The following COL18A1 variants were observed in gnomAD, a reference collection of about 807,000 sequenced individuals.
COL18A1 encodes collagen alpha-1(XVIII) chain.
A neutral mutation model predicts 168.0 loss-of-function variants in COL18A1; 133 were observed. That is an observed-to-expected ratio of 0.79 (90% CI 0.69 to 0.91). The LOEUF is 0.91. COL18A1 is among the 40% of genes least tolerant of loss of function. COL18A1 has a pLI of 0.00. For synonymous variants in COL18A1, 949 were observed against 809.0 expected (o/e 1.17, Z -2.94); for missense variants, 2,126 against 1,925.4 (o/e 1.10, Z -1.95).
chr21:45,503,020 G>A (rs8126955), intron 32 of COL18A1: 72,463 of 151,826 alleles, frequency 0.48, 17,496 homozygotes, highest in Middle Eastern at 0.58. Context: ...GAATAATGTC[G>A]CAATAAACAT....
In COL18A1 at chr21:45,468,378, G is replaced by C. The variant is rs1290476010; in HGVS notation, c.243G>C (p.Arg81=). Reference sequence around the variant, plus strand: ...ATGCCAACAGTGGCCAAGTGGCCCGGTACCACTTCCCCAGCCTCTTCTTCC... The same window carrying C: ...ATGCCAACAGTGGCCAAGTGGCCCGCTACCACTTCCCCAGCCTCTTCTTCC... ...GPDANSGQVA[R]YHFPSLFFRD... The change falls in exon 3 of 42, where the codon CGG becomes CGC. Residue 81 remains arginine (R), a synonymous_variant. Coordinates refer to ENST00000651438, the MANE Select transcript of COL18A1 (RefSeq NM_001379500.1). 1 of 1,613,866 alleles carries C rather than the reference G, an allele frequency of 6.2e-7. No homozygotes were observed.
chr21:45,410,036 C>T (rs534735087), intron 2 of COL18A1: 2 of 152,348 alleles, frequency 1.3e-5, no homozygotes, highest in South Asian at 4.1e-4. Context: ...TGCGCTGAGT[C>T]AGATGAAATG....
intron 2 of COL18A1, among the ~76,000 whole-genome samples, chr21:45,467,884 T>C (rs1429132139): frequency 6.6e-6 from 1 of 152,102 alleles, no homozygotes. Flanking sequence ...CCATCAATGC[T>C]CAAAGCATGG....
At chr21:45,442,559 G>T (rs1402804527) in intron 2 of COL18A1, among the ~76,000 whole-genome samples, 1 of 152,256 alleles carries the variant, frequency 6.6e-6, no homozygotes, top group African/African-American at 2.4e-5. Context: ...GGATGAGCAC[G>T]CCCAGGCCCA....
At position 45,437,902 on chromosome 21, in the gene COL18A1, ACT is replaced by A. The variant is rs1161822460; in HGVS notation, c.107-30338_107-30337del. ...GGCACTCTCCTGCACACACACACTCACTCAGACACAGGCACTCTCCTGCACAC... is the reference window on the plus strand; with the variant it reads ...GGCACTCTCCTGCACACACACACTCACAGACACAGGCACTCTCCTGCACAC... On this transcript the variant is annotated intron_variant, in intron 2 of 41. Coordinates refer to ENST00000651438, the MANE Select transcript of COL18A1 (RefSeq NM_001379500.1). Among the ~76,000 whole-genome samples the A allele has an allele frequency of 3.0e-5, 2 of 66,376 alleles. 1 individual carries two copies. Among genetic ancestry groups the A allele is most frequent in the African/African-American group, 2.3e-4 (2 of 8,676 alleles). 43.5% of individuals were successfully genotyped at this position (66,376 alleles called of 152,430 possible).
At position 45,486,927 on chromosome 21, in the gene COL18A1, C is replaced by G. The variant is rs754558226; in HGVS notation, c.1768C>G (p.Pro590Ala). The change falls in exon 16 of 42, where the codon CCT becomes GCT. Residue 590 changes from proline to alanine, a missense_variant. Physicochemically the swap from Pro to Ala is conservative, Grantham distance 27. Transcript: ENST00000651438. ...GESGLAGAPGPAGPPGPPGPP... is the reference protein window; with the variant it reads ...GESGLAGAPGAAGPPGPPGPP... ...GAGCGGCCTGGCAGGAGCCCCCGGA[C>G]CTGCTGGACCACCAGGCCCCCCTGG... 11 of 1,507,474 alleles carry G rather than the reference C, an allele frequency of 7.3e-6. No individual in the cohort carries two copies. In the South Asian group the frequency reaches 1.1e-4, roughly 16 times the overall value. The allele number at this position is 1,507,474 out of a possible 1,614,324, so 93.4% of individuals were successfully genotyped here.
chr21:45,481,199 C>A (rs774594061), intron 13 of COL18A1, among the ~76,000 whole-genome samples: 3 of 152,308 alleles, frequency 2.0e-5, no homozygotes, highest in Non-Finnish European at 4.4e-5. Flanking sequence ...GTCAGCATTG[C>A]TGGAGGGCCA....
intron 4 of COL18A1, 83 bp downstream of exon 4, chr21:45,474,064 A>G: frequency 8.8e-7 from 1 of 1,142,810 alleles, no homozygotes; most frequent in Non-Finnish European, 1.3e-6. Flanking sequence ...TGACAGGAAA[A>G]GTCCCAAAAT....
At chr21:45,472,874 C>A (rs1429073888) in intron 3 of COL18A1, among the ~76,000 whole-genome samples, 1 of 152,230 alleles carries the variant, frequency 6.6e-6, no homozygotes, top group Non-Finnish European at 1.5e-5. Flanking sequence ...CATGCAGATG[C>A]ATGCTCTCAC....
chr21:45,417,429 T>C (rs1360755830), intron 2 of COL18A1, among the ~76,000 whole-genome samples: 2 of 152,196 alleles, frequency 1.3e-5, no homozygotes, highest in Admixed American at 6.5e-5. Context: ...CCCCGGGGCT[T>C]GGGGCCCTTT....
chr21:45,506,368 C>T lies in COL18A1; in HGVS notation c.3216+402C>T, dbSNP rs139595039. 1.9e-3 allele frequency: 680 copies of T among 350,958 alleles called. 2 individuals carry two copies. The highest frequency in any genetic ancestry group is 0.012 in the African/African-American group (575 of 46,940). The allele number at this position is 350,958 out of a possible 1,614,324, so 21.7% of individuals were successfully genotyped here. ...GCCCCGGCTGGGGGGCAGGCTGTCCCGTGGCTCTGCACCCCGCGTTATAAA... is the reference window on the plus strand; with the variant it reads ...GCCCCGGCTGGGGGGCAGGCTGTCCTGTGGCTCTGCACCCCGCGTTATAAA... On this transcript the variant is annotated intron_variant, in intron 37 of 41. Coordinates refer to ENST00000651438, the MANE Select transcript of COL18A1 (RefSeq NM_001379500.1).
chr21:45,468,881 A>C, intron 3 of COL18A1, 95 bp downstream of exon 3: 1 of 1,290,534 alleles, frequency 7.7e-7, no homozygotes, highest in African/African-American at 1.5e-5. Flanking sequence ...TGTGGCCGGA[A>C]GAGGAGAGCC....
At chr21:45,478,204 A>G (rs2035751408) in intron 8 of COL18A1, 123 bp from the exon 9 acceptor site, 2 of 1,318,706 alleles carry the variant, frequency 1.5e-6, no homozygotes, top group Admixed American at 1.8e-5. Flanking sequence ...GTGCGAGGAC[A>G]TCGGGGGAAG....
At chr21:45,487,669 C>T (rs2036164890) in intron 17 of COL18A1, 160 bp downstream of exon 17, 2 of 895,446 alleles carry the variant, frequency 2.2e-6, no homozygotes, top group Non-Finnish European at 1.8e-6. Flanking sequence ...CGCGGGCCAC[C>T]CTTGTTCTTC....
chr21:45,456,449 CA>C, intron 2 of COL18A1: 1 of 1,544,324 alleles, frequency 6.5e-7, no homozygotes, highest in Non-Finnish European at 8.8e-7. Flanking sequence ...TTGGGTCTCC[CA>C]CGTGGCTAAC....
intron 28 of COL18A1, 141 bp downstream of exon 28, chr21:45,495,056 T>C (rs1010858382): frequency 1.8e-5 from 14 of 769,626 alleles, no homozygotes; most frequent in Non-Finnish European, 3.0e-5. Context: ...CGGCCCTGCC[T>C]GAGCGCAGCT....
intron 2 of COL18A1, among the ~76,000 whole-genome samples, chr21:45,458,173 T>TG (rs930434188): frequency 1.4e-5 from 1 of 72,546 alleles, no homozygotes; most frequent in Non-Finnish European, 2.9e-5. Flanking sequence ...GGAACTGCGC[T>TG]GGGGGGGCCT....
chr21:45,512,879 C>T lies in COL18A1; in HGVS notation c.*481C>T. On this transcript the variant is annotated 3_prime_UTR_variant, in exon 42 of 42. Transcript: ENST00000651438. ...ACTCAGCACAAGGCCATCTGGGCTC[C>T]TCCAGGGTGTGTGCTCGCCCTGCGG... 1 of 232,816 alleles carries T rather than the reference C, an allele frequency of 4.3e-6. No homozygotes were observed. Among genetic ancestry groups the T allele is most frequent in the South Asian group, 5.5e-5 (1 of 18,220 alleles). 14.4% of individuals were successfully genotyped at this position (232,816 alleles called of 1,614,324 possible). A position where few individuals can be genotyped will look rare whatever the true frequency, so the allele number is the denominator to read the frequency against.
intron 32 of COL18A1, among the ~76,000 whole-genome samples, chr21:45,503,647 GA>G (rs1413476079): frequency 7.7e-5 from 8 of 103,484 alleles, no homozygotes; most frequent in African/African-American, 3.0e-4. Flanking sequence ...GGGGTGGGGG[GA>G]GGGGGGAGGG....
Sources: gnomAD v4.1 joint callset for allele counts (sites outside exome capture counted in the v4.1 genomes callset) on GRCh38, gnomAD v4.1.1 for gene constraint, MANE v1.5 for transcripts, NCBI Gene and HGNC (gene_info 2026-07-23, HGNC 2026-07-21) for gene names.